Variants in CIBAR1 observed in about 807,000 individuals in gnomAD.
CIBAR1 encodes CBY1-interacting BAR domain-containing protein 1.
Under a neutral mutation model 44.0 loss-of-function variants are expected in CIBAR1, and 25 were observed. That is an observed-to-expected ratio of 0.57 (90% CI 0.41 to 0.79). The LOEUF is 0.79. Among genes scored for constraint, CIBAR1 ranks in the 30% least tolerant of loss-of-function variants. CIBAR1 has a pLI of 0.00. For synonymous variants in CIBAR1, 115 were observed against 119.0 expected, an observed-to-expected ratio of 0.97 and a Z score of 0.22; for missense variants, 278 against 344.8, an observed-to-expected ratio of 0.81 and a Z score of 1.53.
intron 3 of CIBAR1, among the ~76,000 whole-genome samples, chr8:93,703,933 A>G (rs1365139101): frequency 6.6e-6 from 1 of 152,008 alleles, no homozygotes; most frequent in Non-Finnish European, 1.5e-5. Context: ...GCATGGTGGC[A>G]TGCACCTGTA....
chr8:93,721,324 A>G (rs1811253891), intron 7 of CIBAR1, among the ~76,000 whole-genome samples: 1 of 152,212 alleles, frequency 6.6e-6, no homozygotes, highest in Non-Finnish European at 1.5e-5. Context: ...AATACCTTTG[A>G]CATACCATTT....
intron 2 of CIBAR1, 75 bp downstream of exon 2, chr8:93,701,533 C>A: frequency 3.2e-6 from 4 of 1,261,642 alleles, no homozygotes; most frequent in Non-Finnish European, 3.4e-6. Flanking sequence ...TGGAAACTTT[C>A]ACTTGTAATC....
In CIBAR1 at chr8:93,702,049, T is replaced by C. The variant is rs116600230; in HGVS notation, c.261+591T>C. On this transcript the variant is annotated intron_variant, in intron 2 of 8. Transcript: ENST00000518322. ...TGTTTTCTTTCTAAAAGCCCATATTTTTCCTTTAAATACTTAATAAGCACT... is the reference window on the plus strand; with the variant it reads ...TGTTTTCTTTCTAAAAGCCCATATTCTTCCTTTAAATACTTAATAAGCACT... 1.5e-3 allele frequency: 352 copies of C among 228,398 alleles called. 2 individuals are homozygous for C. Among genetic ancestry groups the C allele is most frequent in the African/African-American group, 7.9e-3 (338 of 43,014 alleles). The allele number at this position is 228,398 out of a possible 1,614,324, so 14.1% of individuals were successfully genotyped here.
At position 93,728,141 on chromosome 8, in the gene CIBAR1, C is replaced by A. The variant is rs1013309552; in HGVS notation, c.778-64C>A. On this transcript the variant is annotated intron_variant, in intron 8 of 8. Transcript: ENST00000518322. ...TGCCCTTTAATAGCATAAAAATATA[C>A]CAAGAATGTAAAATTTTTTTAAGTT... The A allele has an allele frequency of 6.0e-6, 6 of 999,924 alleles. No homozygotes were observed. The African/African-American group carries it at 8.6e-5, about 14-fold the overall frequency. The allele number at this position is 999,924 out of a possible 1,614,324, so 61.9% of individuals were successfully genotyped here.
chr8:93,707,246 A>C (rs1291185629), intron 4 of CIBAR1: 3 of 432,672 alleles, frequency 6.9e-6, no homozygotes, highest in African/African-American at 6.1e-5. Flanking sequence ...TTAGAAATCT[A>C]TATTCTCTTT....
Position 93,701,266 on chromosome 8 carries a change from G to A in CIBAR1, c.69G>A (p.Val23=). The A allele has an allele frequency of 6.2e-7, 1 of 1,613,634 alleles. No individual in the cohort carries two copies. Among genetic ancestry groups the A allele is most frequent in the Non-Finnish European group, 8.5e-7 (1 of 1,179,758 alleles). ...AACTGCAAACAGCTGTCTCAAATGT[G>A]GAGAAGCATTTTGGAGAACTGTGCC... is the stretch of plus-strand genomic sequence containing the variant. ...TKQLQTAVSN[V]EKHFGELCQI... is the part of the protein sequence containing the mutation. The change falls in exon 2 of 9, where the codon GTG becomes GTA. Residue 23 remains valine, a synonymous_variant. Transcript: ENST00000518322.
Position 93,719,012 on chromosome 8 carries a change from C to T in CIBAR1, c.657+224C>T, listed in dbSNP as rs148811321. 4.5e-4 allele frequency among the ~76,000 whole-genome samples: 69 copies of T among 152,026 alleles called. No individual in the cohort carries two copies. In the East Asian group the frequency reaches 0.013, roughly 28 times the overall value. On this transcript the variant is annotated intron_variant, in intron 7 of 8. Coordinates refer to ENST00000518322, the MANE Select transcript of CIBAR1 (RefSeq NM_145269.5). ...CTAACTAGCTTGGATTACAGGTGCC[C>T]GCCACCATGCCCAGCTAATTTTTGT...
chr8:93,713,190 A>G (rs1444204067), intron 6 of CIBAR1, among the ~76,000 whole-genome samples: 1 of 150,230 alleles, frequency 6.7e-6, no homozygotes, highest in Non-Finnish European at 1.5e-5. Flanking sequence ...GCACCACCAC[A>G]CCCGGCTAAT....
rs953554476 is a variant in CIBAR1, at chr8:93,730,012, G to T, written c.*1715G>T. On this transcript the variant is annotated 3_prime_UTR_variant, in exon 9 of 9. Coordinates refer to ENST00000518322, the MANE Select transcript of CIBAR1 (RefSeq NM_145269.5). ...TTCAACATTCCTAACCCAAAAATCT[G>T]AAATCTTAAATGCTGCAATGAGCAT... 10 of 152,278 alleles carry T rather than the reference G, an allele frequency of 6.6e-5. No homozygotes were observed. The highest frequency in any genetic ancestry group is 2.2e-4 in the African/African-American group (9 of 41,578). The allele number at this position is 152,278 out of a possible 1,614,324, so 9.4% of individuals were successfully genotyped here.
Position 93,701,448 on chromosome 8 carries a change from G to C in CIBAR1, c.251G>C (p.Arg84Pro). 1 of 1,612,924 alleles carries C rather than the reference G, an allele frequency of 6.2e-7. No homozygotes were observed. The highest frequency in any genetic ancestry group is 8.5e-7 in the Non-Finnish European group (1 of 1,179,502). The change falls in exon 2 of 9, where the codon CGA becomes CCA. Residue 84 changes from arginine to proline, a missense_variant. Transcript: ENST00000518322. ...GAGTTTGCCAAACTTCAGGATTATC[G>C]ACAAGCAGAGGTATGGAGTGAGATC... ...ADEFAKLQDY[R>P]QAEVERLEAK...
intron 6 of CIBAR1, among the ~76,000 whole-genome samples, chr8:93,715,168 C>T (rs1397271991): frequency 1.3e-5 from 2 of 152,128 alleles, no homozygotes; most frequent in East Asian, 1.9e-4. Context: ...TCTCTGAAAT[C>T]GGCTGGCATA....
intron 6 of CIBAR1, chr8:93,715,312 T>TG: frequency 6.6e-6 from 1 of 152,296 alleles, no homozygotes; most frequent in Middle Eastern, 3.4e-3. Flanking sequence ...GAGTTGCTCC[T>TG]GTAACAAATG....
At chr8:93,719,441 A>G (rs1223692019) in intron 7 of CIBAR1, 1 of 152,230 alleles carries the variant, frequency 6.6e-6, no homozygotes, top group Non-Finnish European at 1.5e-5. Flanking sequence ...TACATCATGC[A>G]CAATGCCCAA....
intron 7 of CIBAR1, among the ~76,000 whole-genome samples, chr8:93,721,549 C>T (rs945126781): frequency 6.6e-6 from 1 of 152,148 alleles, no homozygotes; most frequent in Admixed American, 6.6e-5. Flanking sequence ...ATCAACTCCC[C>T]TACTTTCTAG....
At chr8:93,701,479 G>A in intron 2 of CIBAR1, 21 bp downstream of exon 2, 1 of 1,598,072 alleles carries the variant, frequency 6.3e-7, no homozygotes, top group Non-Finnish European at 8.6e-7. Flanking sequence ...AGATCACAGT[G>A]TCATTGTTAT....
At chr8:93,720,654 T>A (rs1586285865) in intron 7 of CIBAR1, 1 of 152,214 alleles carries the variant, frequency 6.6e-6, no homozygotes, top group Admixed American at 6.5e-5. Flanking sequence ...GTGGATCACC[T>A]GAGGTCAGGA....
At chr8:93,710,490 C>T (rs1284364784) in intron 6 of CIBAR1, among the ~76,000 whole-genome samples, 2 of 151,968 alleles carry the variant, frequency 1.3e-5, no homozygotes, top group Non-Finnish European at 1.5e-5. Flanking sequence ...AGGCACTTTA[C>T]ATAAATTCTT....
At position 93,702,110 on chromosome 8, in the gene CIBAR1, T is replaced by C. The variant is rs16916128; in HGVS notation, c.261+652T>C. 7.9e-3 allele frequency: 2,240 copies of C among 284,930 alleles called. 59 individuals are homozygous for C. Among genetic ancestry groups the C allele is most frequent in the African/African-American group, 0.047 (2,101 of 44,614 alleles). The allele number at this position is 284,930 out of a possible 1,614,324, so 17.7% of individuals were successfully genotyped here. A position where few individuals can be genotyped will look rare whatever the true frequency, so the allele number is the denominator to read the frequency against. ...TTTATTTTCAGTTTCACGGCATAGG[T>C]TAACTTATCAGAAGTTGCCCAGTTA... On this transcript the variant is annotated intron_variant, in intron 2 of 8. Transcript: ENST00000518322.
At chr8:93,710,053 G>A (rs1440748738) in intron 6 of CIBAR1, among the ~76,000 whole-genome samples, 178 bp downstream of exon 6, 1 of 152,168 alleles carries the variant, frequency 6.6e-6, no homozygotes, top group African/African-American at 2.4e-5. Flanking sequence ...GGGAGGCCAA[G>A]GCAGGTGGAT....
Sources: gnomAD v4.1 joint callset for allele counts (sites outside exome capture counted in the v4.1 genomes callset) on GRCh38, gnomAD v4.1.1 for gene constraint, MANE v1.5 for transcripts, NCBI Gene and HGNC (gene_info 2026-07-23, HGNC 2026-07-21) for gene names.